CD44: variants seen among roughly 807,000 people sequenced by gnomAD.
CD44 encodes the protein CD44 antigen.
In CD44, 49 loss-of-function variants were observed where a neutral mutation model predicts 88.8. The observed-to-expected ratio is 0.55, with a 90% CI of 0.44 to 0.70. CD44 has a LOEUF of 0.70. CD44 is among the 30% of genes least tolerant of loss of function. The pLI, the probability that CD44 is intolerant of heterozygous loss-of-function variation, is 0.00. For missense variants in CD44, 883 were observed against 913.8 expected (o/e 0.97, Z 0.43); for synonymous variants, 325 against 312.3 (o/e 1.04, Z -0.43).
Position 35,139,367 on chromosome 11 carries a change from A to G in CD44, c.64A>G (p.Ile22Val). 1 of 1,557,836 alleles carries G rather than the reference A, an allele frequency of 6.4e-7. No homozygotes were observed. The highest frequency in any genetic ancestry group is 8.7e-7 in the Non-Finnish European group (1 of 1,150,362). The change falls in exon 1 of 18, where the codon ATC (isoleucine) becomes GTC (valine). Residue 22 changes from isoleucine to valine, a missense_variant. Ile to Val is a conservative substitution (Grantham distance 29). Around this residue, in one of 2 missense-constraint regions of CD44, gnomAD observed 252 missense variants for 322.9 expected, o/e 0.78. Transcript: ENST00000428726. ...LCLVPLSLAQ[I>V]DLNITCRFAG... is the part of the protein sequence containing the mutation. The stretch of plus-strand genomic sequence containing the variant: ...CCTCGTGCCGCTGAGCCTGGCGCAG[A>G]TCGGTGAGTGCCCGCCGCAGCCTGG...
intron 17 of CD44, among the ~76,000 whole-genome samples, chr11:35,223,765 G>T (rs1323757294): frequency 1.3e-5 from 2 of 152,268 alleles, no homozygotes; most frequent in East Asian, 3.9e-4. Context: ...CCCCTTAATG[G>T]GCTCTGTGAT....
chr11:35,142,455 T>C (rs988824088), intron 1 of CD44, among the ~76,000 whole-genome samples: 20 of 152,198 alleles, frequency 1.3e-4, no homozygotes, highest in African/African-American at 4.8e-4. Context: ...GGGAATTGCA[T>C]GCCTGGTGTT....
At chr11:35,170,257 A>T (rs1943729404) in intron 1 of CD44, among the ~76,000 whole-genome samples, 1 of 152,196 alleles carries the variant, frequency 6.6e-6, no homozygotes, top group African/African-American at 2.4e-5. Flanking sequence ...ACCAGGTTTG[A>T]GGAGGTCCTA....
At chr11:35,157,970 T>C (rs572041756) in intron 1 of CD44, among the ~76,000 whole-genome samples, 1 of 152,296 alleles carries the variant, frequency 6.6e-6, no homozygotes, top group South Asian at 2.1e-4. Context: ...CCTCATCAGA[T>C]CATCCCCAGG....
chr11:35,211,132 A>G, intron 13 of CD44, 114 bp from the exon 14 acceptor site: 2 of 765,574 alleles, frequency 2.6e-6, no homozygotes, highest in African/African-American at 1.7e-5. Context: ...ATTTCTCCCT[A>G]TTTATGGATA....
chr11:35,181,972 T>C (rs1319584000), intron 3 of CD44, among the ~76,000 whole-genome samples: 1 of 105,196 alleles, frequency 9.5e-6, no homozygotes, highest in Non-Finnish European at 1.8e-5. Context: ...TATATATAAA[T>C]ATTATATATT....
rs1456409226 is a variant in CD44 at position 35,211,455 on chromosome 11, T to G, written c.1810+6T>G. On this transcript the variant is annotated splice_donor_region_variant and intron_variant, in intron 14 of 17. Coordinates refer to ENST00000428726, the MANE Select transcript of CD44 (RefSeq NM_000610.4). ...TGTCAATCGTTCCTTATCAGGTAATTTGGCATTTATTATCTAGTTTGCTTT... is the reference window on the plus strand; with the variant it reads ...TGTCAATCGTTCCTTATCAGGTAATGTGGCATTTATTATCTAGTTTGCTTT... 1.2e-6 allele frequency: 2 copies of G among 1,606,920 alleles called. No homozygotes were observed. The highest frequency in any genetic ancestry group is 2.7e-5 in the African/African-American group (2 of 74,716).
intron 1 of CD44, among the ~76,000 whole-genome samples, chr11:35,174,673 A>G (rs1293000336): frequency 6.6e-6 from 1 of 152,198 alleles, no homozygotes; most frequent in Non-Finnish European, 1.5e-5. Context: ...TGTATTGAAT[A>G]ATTCTTTACC....
chr11:35,189,740 A>G, intron 4 of CD44, 95 bp from the exon 5 acceptor site: 4 of 839,568 alleles, frequency 4.8e-6, no homozygotes, highest in Non-Finnish European at 7.9e-6. Context: ...TCTCATTACA[A>G]AGGAAAATAG....
intron 10 of CD44, among the ~76,000 whole-genome samples, chr11:35,205,171 C>G (rs76724133): frequency 0.061 from 9,248 of 152,222 alleles, 370 homozygotes; most frequent in East Asian, 0.17. Flanking sequence ...GGTATCTTCT[C>G]TATTCTTGAA....
intron 2 of CD44, among the ~76,000 whole-genome samples, 183 bp from the exon 3 acceptor site, chr11:35,180,091 T>A (rs950195699): frequency 6.6e-6 from 1 of 152,152 alleles, no homozygotes; most frequent in Non-Finnish European, 1.5e-5. Context: ...TCAGTCTTGT[T>A]GATCTCTTTC....
At chr11:35,164,637 C>T (rs965706278) in intron 1 of CD44, among the ~76,000 whole-genome samples, 1 of 151,926 alleles carries the variant, frequency 6.6e-6, no homozygotes, top group African/African-American at 2.4e-5. Flanking sequence ...TGGCCAAGTC[C>T]ACTATTTACC....
At chr11:35,184,566 A>G (rs1326992249) in intron 3 of CD44, among the ~76,000 whole-genome samples, 2 of 152,226 alleles carry the variant, frequency 1.3e-5, no homozygotes, top group African/African-American at 4.8e-5. Flanking sequence ...GGTTGGCTAT[A>G]TGCCCTTATT....
chr11:35,224,236 G>A (rs10836345), intron 17 of CD44, among the ~76,000 whole-genome samples: 10,853 of 152,188 alleles, frequency 0.071, 544 homozygotes, highest in East Asian at 0.24. Context: ...CTGGGTTGGG[G>A]GTTCTATTAC....
At chr11:35,174,315 T>G (rs77988887) in intron 1 of CD44, among the ~76,000 whole-genome samples, 180 of 152,338 alleles carry the variant, frequency 1.2e-3, no homozygotes, top group African/African-American at 4.1e-3. Context: ...TAATGCCAGT[T>G]CTGTCTGATT....
At chr11:35,141,853 TG>T (rs1858030130) in intron 1 of CD44, among the ~76,000 whole-genome samples, 1 of 151,984 alleles carries the variant, frequency 6.6e-6, no homozygotes, top group Non-Finnish European at 1.5e-5. Context: ...GGGCATGGTG[TG>T]GGTGGCGAAG....
chr11:35,199,087 C>A (rs748281165), intron 7 of CD44, among the ~76,000 whole-genome samples: 1 of 151,816 alleles, frequency 6.6e-6, no homozygotes, highest in African/African-American at 2.4e-5. Flanking sequence ...GTCAAAGGAA[C>A]AAATCCAGAG....
intron 12 of CD44, among the ~76,000 whole-genome samples, chr11:35,209,329 C>T (rs758245999): frequency 2.6e-5 from 4 of 152,170 alleles, no homozygotes; most frequent in Non-Finnish European, 4.4e-5. Flanking sequence ...GCAAGCGTTT[C>T]CTTGGTGCAG....
At position 35,180,350 on chromosome 11, in the gene CD44, G is replaced by T. The variant is rs761269921; in HGVS notation, c.310G>T (p.Val104Leu). The change falls in exon 3 of 18, where the codon GTG becomes TTG. Residue 104 changes from valine (V) to leucine (L), a missense_variant. Transcript: ENST00000428726. ...NSICAANNTG[V>L]YILTSNTSQY... ...CATCTGTGCAGCAAACAACACAGGGGTGTACATCCTCACATCCAACACCTC... is the reference window on the plus strand; with the variant it reads ...CATCTGTGCAGCAAACAACACAGGGTTGTACATCCTCACATCCAACACCTC... 2.5e-6 allele frequency: 4 copies of T among 1,614,104 alleles called. No homozygotes were observed. The highest frequency in any genetic ancestry group is 1.7e-5 in the Admixed American group (1 of 60,022).
Sources: gnomAD v4.1 joint callset for allele counts (sites outside exome capture counted in the v4.1 genomes callset) on GRCh38, gnomAD v4.1.1 for gene constraint, gnomAD v4.1.1 regional missense constraint, MANE v1.5 for transcripts, NCBI Gene and HGNC (gene_info 2026-07-23, HGNC 2026-07-21) for gene names.